Variants in LRFN5 observed in about 807,000 individuals in gnomAD.
LRFN5 encodes the protein leucine rich repeat and fibronectin type III domain containing 5, also known as leucine-rich repeat and fibronectin type-III domain-containing protein 5.
Under a neutral mutation model 45.6 loss-of-function variants are expected in LRFN5, and 24 were observed. The observed-to-expected ratio is 0.53, with a 90% CI of 0.38 to 0.74. LRFN5 has a LOEUF of 0.74. Among genes scored for constraint, LRFN5 ranks in the 30% least tolerant of loss-of-function variants. The pLI, the probability that LRFN5 is intolerant of heterozygous loss-of-function variation, is 0.00. For missense variants in LRFN5, 776 were observed against 861.5 expected (o/e 0.90, Z 1.24); for synonymous variants, 340 against 313.8 (o/e 1.08, Z -0.88).
rs539179332 is a variant in LRFN5, at chr14:41,665,638, A to C, written c.-197+57076A>C. Among the ~76,000 whole-genome samples the C allele has an allele frequency of 4.6e-5, 7 of 152,156 alleles. No individual in the cohort carries two copies. The South Asian group carries it at 1.4e-3, about 32-fold the overall frequency. On this transcript the variant is annotated intron_variant, in intron 1 of 5. Coordinates refer to ENST00000298119, the MANE Select transcript of LRFN5 (RefSeq NM_152447.5). The stretch of plus-strand genomic sequence containing the variant: ...ACTTTACTATAATAGTATCCTGTTT[A>C]GGTTTGTGTCTCTTACTGCTCTGAC...
chr14:41,813,474 T>A (rs1349957744), intron 2 of LRFN5, among the ~76,000 whole-genome samples: 1 of 152,222 alleles, frequency 6.6e-6, no homozygotes, highest in East Asian at 1.9e-4. Flanking sequence ...GTTAGTTTGC[T>A]GAGAACAATG....
chr14:41,632,327 G>A (rs1441999273), intron 1 of LRFN5, among the ~76,000 whole-genome samples: 28 of 152,110 alleles, frequency 1.8e-4, no homozygotes, highest in Admixed American at 1.8e-3. Flanking sequence ...TTGTTGGCCG[G>A]GCGTGGTGGC....
chr14:41,612,357 G>A (rs1367170021), intron 1 of LRFN5, among the ~76,000 whole-genome samples: 4 of 152,002 alleles, frequency 2.6e-5, no homozygotes, highest in Non-Finnish European at 4.4e-5. Context: ...CTTCCTAAAG[G>A]CTTAACTGGC....
At chr14:41,831,443 TATATA>T (rs1194141524) in intron 2 of LRFN5, among the ~76,000 whole-genome samples, 2 of 152,146 alleles carry the variant, frequency 1.3e-5, no homozygotes, top group Admixed American at 6.6e-5. Context: ...ATGCCACAGA[TATATA>T]ATATAAACAC....
At chr14:41,690,544 C>G (rs1275702611) in intron 1 of LRFN5, among the ~76,000 whole-genome samples, 1 of 152,108 alleles carries the variant, frequency 6.6e-6, no homozygotes, top group African/African-American at 2.4e-5. Flanking sequence ...GACAAAGCAA[C>G]ACTCTGTCTC....
intron 2 of LRFN5, among the ~76,000 whole-genome samples, chr14:41,872,100 G>T (rs1890039175): frequency 6.6e-6 from 1 of 152,182 alleles, no homozygotes; most frequent in African/African-American, 2.4e-5. Flanking sequence ...CCTGCTGATA[G>T]ATGACAGATG....
At chr14:41,833,003 G>C (rs185432094) in intron 2 of LRFN5, among the ~76,000 whole-genome samples, 17 of 152,200 alleles carry the variant, frequency 1.1e-4, no homozygotes, top group Admixed American at 1.1e-3. Flanking sequence ...TGGTCCAATG[G>C]TCCTATATAT....
chr14:41,707,199 T>C (rs1883102625), intron 1 of LRFN5, among the ~76,000 whole-genome samples: 1 of 152,218 alleles, frequency 6.6e-6, no homozygotes, highest in East Asian at 1.9e-4. Context: ...CTTACTAAGG[T>C]GGAAGGCAAG....
At chr14:41,730,548 G>A (rs1280965383) in intron 1 of LRFN5, among the ~76,000 whole-genome samples, 2 of 151,862 alleles carry the variant, frequency 1.3e-5, no homozygotes, top group African/African-American at 2.4e-5. Context: ...TGTAGTTTGA[G>A]TGTGAACTTG....
chr14:41,806,852 C>T (rs1408356081), intron 2 of LRFN5, among the ~76,000 whole-genome samples: 1 of 152,142 alleles, frequency 6.6e-6, no homozygotes, highest in Non-Finnish European at 1.5e-5. Flanking sequence ...GCCTGGACAG[C>T]TCCTTTTTTA....
Position 41,829,303 on chromosome 14 carries a change from A to G in LRFN5, c.-20-57303A>G, listed in dbSNP as rs148955055. ...ACCCATGAATGAATTTTTGAAGATAATTACATTAAATGTCAATATTAACAA... is the reference window on the plus strand; with the variant it reads ...ACCCATGAATGAATTTTTGAAGATAGTTACATTAAATGTCAATATTAACAA... On this transcript the variant is annotated intron_variant, in intron 2 of 5. Transcript: ENST00000298119. Among the ~76,000 whole-genome samples the G allele has an allele frequency of 4.2e-4, 64 of 152,162 alleles. No homozygotes were observed. In the East Asian group the frequency reaches 0.012, roughly 28 times the overall value.
At chr14:41,659,206 C>G (rs950006945) in intron 1 of LRFN5, among the ~76,000 whole-genome samples, 1 of 151,966 alleles carries the variant, frequency 6.6e-6, no homozygotes, top group Admixed American at 6.6e-5. Flanking sequence ...TCCCCTAGCT[C>G]CCAACCCCCA....
chr14:41,755,953 C>A (rs1174700964), intron 1 of LRFN5, among the ~76,000 whole-genome samples: 3 of 152,158 alleles, frequency 2.0e-5, no homozygotes, highest in African/African-American at 7.2e-5. Context: ...CCTTTTAGGG[C>A]AGGCCTGGCG....
intron 2 of LRFN5, among the ~76,000 whole-genome samples, chr14:41,859,705 T>G (rs1471382579): frequency 6.6e-6 from 1 of 152,196 alleles, no homozygotes; most frequent in South Asian, 2.1e-4. Flanking sequence ...ATATAGAAAT[T>G]CATGAACATT....
At chr14:41,741,493 A>T (rs1405100691) in intron 1 of LRFN5, among the ~76,000 whole-genome samples, 6 of 151,836 alleles carry the variant, frequency 4.0e-5, no homozygotes, top group Non-Finnish European at 7.4e-5. Flanking sequence ...TTATATCCAC[A>T]TTCAGAAGCA....
rs1443024366 is a variant in LRFN5 at position 41,829,733 on chromosome 14, C to CT, written c.-20-56865dup. On this transcript the variant is annotated intron_variant, in intron 2 of 5. Coordinates refer to ENST00000298119, the MANE Select transcript of LRFN5 (RefSeq NM_152447.5). Reference sequence around the variant, plus strand: ...ACCTTTTTATTAATTAAACTATTTGCTTTTTTTTGCTAAGTCAATATTTTT... The same window carrying CT: ...ACCTTTTTATTAATTAAACTATTTGCTTTTTTTTTGCTAAGTCAATATTTTT... 2.0e-5 allele frequency among the ~76,000 whole-genome samples: 3 copies of CT among 150,958 alleles called. No homozygotes were observed. In the East Asian group the frequency reaches 5.8e-4, roughly 29 times the overall value.
intron 2 of LRFN5, among the ~76,000 whole-genome samples, chr14:41,843,330 G>A (rs1888932400): frequency 1.3e-5 from 2 of 152,078 alleles, no homozygotes; most frequent in South Asian, 4.2e-4. Context: ...CTGGCCTCAA[G>A]TGATCCTCTG....
intron 1 of LRFN5, among the ~76,000 whole-genome samples, chr14:41,728,368 G>A (rs966402039): frequency 1.3e-5 from 2 of 152,124 alleles, no homozygotes; most frequent in Non-Finnish European, 2.9e-5. Context: ...AAGTTTACGT[G>A]TCTGAGCCTC....
intron 2 of LRFN5, among the ~76,000 whole-genome samples, chr14:41,800,071 A>G (rs570204231): frequency 1.3e-5 from 2 of 152,204 alleles, no homozygotes; most frequent in Non-Finnish European, 2.9e-5. Flanking sequence ...GTGTTATATC[A>G]TATATAATTG....
Sources: allele counts gnomAD v4.1 joint callset (sites outside exome capture counted in the v4.1 genomes callset), GRCh38; gene constraint gnomAD v4.1.1; transcripts MANE v1.5; gene names NCBI Gene and HGNC (gene_info 2026-07-23, HGNC 2026-07-21).